Variants in CORO2B observed in about 807,000 individuals in gnomAD.
The protein encoded by CORO2B is coronin 2B, also known as coronin-2B.
In CORO2B, 26 loss-of-function variants were observed where a neutral mutation model predicts 58.8. The ratio of observed to expected loss-of-function variants is 0.44; its 90% CI spans 0.32 to 0.61. CORO2B has a LOEUF of 0.61. Among genes scored for constraint, CORO2B ranks in the 20% least tolerant of loss-of-function variants. The pLI is 0.04. For synonymous variants in CORO2B, 242 were observed against 253.8 expected, an observed-to-expected ratio of 0.95 and a Z score of 0.44; for missense variants, 460 against 645.1, an observed-to-expected ratio of 0.71 and a Z score of 3.11.
At chr15:68,519,754 ATACT>A in the CORO2B span, among the ~76,000 whole-genome samples, 6 of 152,210 alleles carry the variant, frequency 3.9e-5, no homozygotes, top group Non-Finnish European at 8.8e-5. Flanking sequence ...CTTAGGATAG[ATACT>A]TACATAAGTG....
At chr15:68,715,422 A>T in intron 8 of CORO2B, 111 bp downstream of exon 8, 1 of 751,744 alleles carries the variant, frequency 1.3e-6, no homozygotes, top group Admixed American at 2.6e-5. Flanking sequence ...AGGCCATAGC[A>T]CATGGGCAAG....
chr15:68,700,753 C>T (rs896441224), intron 3 of CORO2B, among the ~76,000 whole-genome samples: 2 of 152,218 alleles, frequency 1.3e-5, no homozygotes, highest in Admixed American at 1.3e-4. Context: ...AGGGCGCTAT[C>T]GGTTTCCAAG....
intron 2 of CORO2B, among the ~76,000 whole-genome samples, chr15:68,646,136 T>C (rs1157613594): frequency 6.6e-6 from 1 of 151,892 alleles, no homozygotes; most frequent in African/African-American, 2.4e-5. Flanking sequence ...TTCTTCCCCA[T>C]CCCCCACCTC....
intron 1 of CORO2B, among the ~76,000 whole-genome samples, chr15:68,626,937 A>G (rs1450683344): frequency 3.9e-5 from 6 of 152,282 alleles, no homozygotes; most frequent in Admixed American, 2.6e-4. Flanking sequence ...TGAGTCACTC[A>G]TCAATGGCCA....
chr15:68,718,956 T>C, intron 9 of CORO2B, 146 bp downstream of exon 9: 2 of 850,014 alleles, frequency 2.4e-6, no homozygotes, highest in Non-Finnish European at 3.8e-6. Flanking sequence ...AGGGGCATTC[T>C]CAGATGGGGA....
intron 1 of CORO2B, among the ~76,000 whole-genome samples, chr15:68,635,064 A>T (rs1374138254): frequency 6.6e-6 from 1 of 152,136 alleles, no homozygotes; most frequent in African/African-American, 2.4e-5. Context: ...ACTTCAGGTG[A>T]TTCTGAGGCA....
chr15:68,568,175 C>T, the CORO2B span, among the ~76,000 whole-genome samples: 1 of 152,210 alleles, frequency 6.6e-6, no homozygotes, highest in African/African-American at 2.4e-5. Context: ...GTACAGGCCA[C>T]TGAGTCTTCC....
intron 3 of CORO2B, among the ~76,000 whole-genome samples, chr15:68,708,623 A>T (rs1892840125): frequency 6.6e-6 from 1 of 150,448 alleles, no homozygotes; most frequent in South Asian, 2.1e-4. Flanking sequence ...CGGCCTCCCA[A>T]AGTGCTGGGA....
At chr15:68,669,089 A>G (rs1361823283) in intron 2 of CORO2B, among the ~76,000 whole-genome samples, 2 of 148,066 alleles carry the variant, frequency 1.4e-5, no homozygotes, top group African/African-American at 2.6e-5. Flanking sequence ...GAGAGAGAGA[A>G]AGAAGGAAGG....
At chr15:68,599,261 A>G (rs900271861) in intron 1 of CORO2B, among the ~76,000 whole-genome samples, 8 of 152,138 alleles carry the variant, frequency 5.3e-5, no homozygotes, top group Non-Finnish European at 1.2e-4. Flanking sequence ...TTCTCATGCC[A>G]CTGCTCTGAT....
rs1892880879 is a variant in CORO2B, at chr15:68,710,206, C to T, written c.334-526C>T. ...TCTGATCAGTCTCTGCCTTCAAGTC[C>T]ACCATCTCTCAGGAGAGACCTGGGG... On this transcript the variant is annotated intron_variant, in intron 3 of 11. Transcript: ENST00000261861. The surrounding 1 kb of genome is among the most constrained non-coding windows in gnomAD (Gnocchi z 4.1). Among the ~76,000 whole-genome samples the T allele has an allele frequency of 6.6e-6, 1 of 152,184 alleles. No individual in the cohort carries two copies. Among genetic ancestry groups the T allele is most frequent in the South Asian group, 2.1e-4 (1 of 4,826 alleles).
intron 1 of CORO2B, among the ~76,000 whole-genome samples, chr15:68,584,497 T>C (rs1282357150): frequency 6.6e-6 from 1 of 152,142 alleles, no homozygotes; most frequent in African/African-American, 2.4e-5. Flanking sequence ...GCTGGGCCAA[T>C]GTCCTGGCAG....
the CORO2B span, among the ~76,000 whole-genome samples, chr15:68,543,503 C>T: frequency 0.013 from 1,971 of 152,222 alleles, 26 homozygotes; most frequent in Middle Eastern, 0.037. Flanking sequence ...GGTGGATCCC[C>T]AATCCCCATC....
the CORO2B span, among the ~76,000 whole-genome samples, chr15:68,564,179 G>A: frequency 6.6e-6 from 1 of 152,146 alleles, no homozygotes; most frequent in African/African-American, 2.4e-5. Context: ...CTGCAAATTG[G>A]CACTTTTTAT....
At chr15:68,709,690 T>C (rs919110014) in intron 3 of CORO2B, among the ~76,000 whole-genome samples, 3 of 152,130 alleles carry the variant, frequency 2.0e-5, no homozygotes, top group Non-Finnish European at 4.4e-5. Flanking sequence ...TTTTTCTTTT[T>C]TTGTTTTTTT....
At position 68,644,556 on chromosome 15, in the gene CORO2B, CTT is replaced by C. The variant is rs1421051565; in HGVS notation, c.16-603_16-602del. Among the ~76,000 whole-genome samples, 9 of 152,266 alleles carry C rather than the reference CTT, an allele frequency of 5.9e-5. No homozygotes were observed. In the East Asian group the frequency reaches 9.6e-4, roughly 16 times the overall value. On this transcript the variant is annotated intron_variant, in intron 1 of 11. Coordinates refer to ENST00000261861, the MANE Select transcript of CORO2B (RefSeq NM_006091.5). ...TAGCTGTGTAGCCTTGGACAAGTCA[CTT>C]AACCTCTCTGTGCCTGATGATATGA... is the stretch of plus-strand genomic sequence containing the variant.
At chr15:68,612,439 C>T (rs1900267447) in intron 1 of CORO2B, among the ~76,000 whole-genome samples, 1 of 152,154 alleles carries the variant, frequency 6.6e-6, no homozygotes. Flanking sequence ...AAATGTCCAA[C>T]ACTGCAGAGG....
At position 68,715,308 on chromosome 15, in the gene CORO2B, C is replaced by A; in HGVS notation, c.964C>A (p.Leu322Ile). 6 of 1,613,666 alleles carry A rather than the reference C, an allele frequency of 3.7e-6. No homozygotes were observed. Among genetic ancestry groups the A allele is most frequent in the Non-Finnish European group, 5.1e-6 (6 of 1,179,644 alleles). ...EFRSPAPQKGLGVMPKHGLDV... is the reference protein window; with the variant it reads ...EFRSPAPQKGIGVMPKHGLDV... The stretch of plus-strand genomic sequence containing the variant: ...CCGCTCCCCAGCCCCGCAGAAAGGC[C>A]TAGGTAAGTGGCCCCGAGGCTGCCA... The change falls in exon 8 of 12, where the codon CTA becomes ATA. Residue 322 changes from leucine (L) to isoleucine (I), a missense_variant. By Grantham distance (5) the Leu-to-Ile change is conservative. This residue lies in a region of CORO2B where 352 missense variants were observed against 543.0 expected (regional missense o/e 0.65). Coordinates refer to ENST00000261861, the MANE Select transcript of CORO2B (RefSeq NM_006091.5).
chr15:68,665,369 G>T (rs1281746276), intron 2 of CORO2B, among the ~76,000 whole-genome samples: 1 of 152,046 alleles, frequency 6.6e-6, no homozygotes, highest in Non-Finnish European at 1.5e-5. Flanking sequence ...GTACCACAAT[G>T]CTGTGTTACT....
Sources: allele counts gnomAD v4.1 joint callset (sites outside exome capture counted in the v4.1 genomes callset), GRCh38; gene constraint gnomAD v4.1.1; regional missense constraint gnomAD v4.1.1; non-coding constraint Gnocchi (gnomAD v3.1); transcripts MANE v1.5; gene names NCBI Gene and HGNC (gene_info 2026-07-23, HGNC 2026-07-21).